Variants in GALNT10 observed in about 807,000 individuals in gnomAD.
GALNT10 encodes GalNAc transferase 10.
GALNT10 carries 41 observed loss-of-function variants against 75.0 expected under a neutral mutation model. The observed-to-expected ratio is 0.55, with a 90% CI of 0.43 to 0.71. GALNT10 has a LOEUF of 0.71. Among genes scored for constraint, GALNT10 ranks in the 30% least tolerant of loss-of-function variants. The pLI, the probability that GALNT10 is intolerant of heterozygous loss-of-function variation, is 0.00. For missense variants in GALNT10, 727 were observed against 818.5 expected (o/e 0.89, Z 1.36); for synonymous variants, 302 against 313.0 (o/e 0.96, Z 0.37).
At chr5:154,306,740 AAC>A (rs1754439839) in intron 3 of GALNT10, among the ~76,000 whole-genome samples, 3 of 150,710 alleles carry the variant, frequency 2.0e-5, no homozygotes, top group Admixed American at 6.6e-5. Context: ...CAACAACAAC[AAC>A]AAAAAAAACT....
At chr5:154,229,968 T>A (rs2113661825) in intron 1 of GALNT10, among the ~76,000 whole-genome samples, 1 of 152,366 alleles carries the variant, frequency 6.6e-6, no homozygotes, top group Admixed American at 6.5e-5. Flanking sequence ...TCAGTCTCCA[T>A]GCTGGGCACC....
intron 1 of GALNT10, among the ~76,000 whole-genome samples, chr5:154,200,529 C>A (rs1321548574): frequency 6.6e-6 from 1 of 152,118 alleles, no homozygotes; most frequent in Non-Finnish European, 1.5e-5. Context: ...CATGTTTCCT[C>A]CTGAGTATTG....
intron 3 of GALNT10, among the ~76,000 whole-genome samples, chr5:154,319,475 T>G (rs886985094): frequency 6.6e-6 from 1 of 152,208 alleles, no homozygotes; most frequent in Non-Finnish European, 1.5e-5. Context: ...GAGGCCTGAA[T>G]CCAACTCATT....
At chr5:154,348,156 A>C (rs895301826) in intron 4 of GALNT10, among the ~76,000 whole-genome samples, 1 of 152,248 alleles carries the variant, frequency 6.6e-6, no homozygotes, top group Non-Finnish European at 1.5e-5. Context: ...CTCAAGCCCC[A>C]AAATAAATGG....
intron 3 of GALNT10, among the ~76,000 whole-genome samples, chr5:154,328,590 A>G (rs999372239): frequency 6.6e-6 from 1 of 152,186 alleles, no homozygotes; most frequent in Non-Finnish European, 1.5e-5. Flanking sequence ...CTGTGATTCA[A>G]TTCAATTCTG....
intron 1 of GALNT10, among the ~76,000 whole-genome samples, chr5:154,209,475 G>A (rs1028872456): frequency 2.0e-5 from 3 of 152,208 alleles, no homozygotes; most frequent in Non-Finnish European, 2.9e-5. Flanking sequence ...ACTATGGACT[G>A]TGTGGCTTAA....
intron 1 of GALNT10, among the ~76,000 whole-genome samples, chr5:154,286,295 G>A (rs1004108545): frequency 2.6e-5 from 4 of 152,034 alleles, no homozygotes; most frequent in Admixed American, 2.0e-4. Flanking sequence ...TTAAGTTGAT[G>A]GACAGATGGA....
chr5:154,317,449 G>A (rs6580071), intron 3 of GALNT10, among the ~76,000 whole-genome samples: 109,313 of 152,036 alleles, frequency 0.72, 39,883 homozygotes, highest in Admixed American at 0.83. Flanking sequence ...CCTTTAGGGA[G>A]TGTTAAATTA....
chr5:154,331,150 A>G (rs1754857695), intron 4 of GALNT10, among the ~76,000 whole-genome samples: 1 of 152,126 alleles, frequency 6.6e-6, no homozygotes, highest in South Asian at 2.1e-4. Flanking sequence ...AGGGACTACC[A>G]CATTGGTCCT....
chr5:154,302,300 C>G (rs1022839580), intron 3 of GALNT10, among the ~76,000 whole-genome samples: 2 of 152,264 alleles, frequency 1.3e-5, no homozygotes, highest in African/African-American at 4.8e-5. Flanking sequence ...GCACTGGGGA[C>G]TGCGTAGCCA....
intron 4 of GALNT10, among the ~76,000 whole-genome samples, chr5:154,373,589 C>T (rs1350223997): frequency 6.6e-6 from 1 of 152,162 alleles, no homozygotes; most frequent in African/African-American, 2.4e-5. Flanking sequence ...GCTTCGCATG[C>T]AAGCAGGGGC....
At position 154,386,309 on chromosome 5, in the gene GALNT10, A is replaced by T. The variant is rs554176584; in HGVS notation, c.939-4A>T. 6.2e-7 allele frequency: 1 copy of T among 1,609,072 alleles called. No individual in the cohort carries two copies. Among genetic ancestry groups the T allele is most frequent in the East Asian group, 2.2e-5 (1 of 44,828 alleles). Reference sequence around the variant, plus strand: ...CTTCACACCATGTTCTTCTTCTCTGACAGGTCTCCCGTGATGGCCGGTGGA... The same window carrying T: ...CTTCACACCATGTTCTTCTTCTCTGTCAGGTCTCCCGTGATGGCCGGTGGA... On this transcript the variant is annotated splice_polypyrimidine_tract_variant and splice_region_variant and intron_variant, in intron 6 of 11. Coordinates refer to ENST00000297107, the MANE Select transcript of GALNT10 (RefSeq NM_198321.4).
intron 3 of GALNT10, among the ~76,000 whole-genome samples, chr5:154,316,600 G>T (rs33999232): frequency 0.13 from 19,657 of 152,196 alleles, 1,859 homozygotes; most frequent in African/African-American, 0.27. Context: ...TACTGTTTAT[G>T]TTATTTGCTT....
At chr5:154,411,377 C>A (rs1448461927) in intron 9 of GALNT10, among the ~76,000 whole-genome samples, 2 of 152,218 alleles carry the variant, frequency 1.3e-5, no homozygotes, top group African/African-American at 4.8e-5. Flanking sequence ...GTATATGCCT[C>A]TTTCCCAGTA....
chr5:154,191,431 T>TCCCCCCCC (rs1446489673), intron 1 of GALNT10, among the ~76,000 whole-genome samples: 7 of 55,180 alleles, frequency 1.3e-4, no homozygotes, highest in African/African-American at 4.4e-4. Flanking sequence ...GCTTCCCTCC[T>TCCCCCCCC]CCCACCCCCC....
At chr5:154,381,964 G>A (rs1489150010) in intron 6 of GALNT10, among the ~76,000 whole-genome samples, 7 of 152,192 alleles carry the variant, frequency 4.6e-5, no homozygotes, top group South Asian at 4.1e-4. Flanking sequence ...TCACATCTGC[G>A]AAGTCTCTTT....
intron 10 of GALNT10, among the ~76,000 whole-genome samples, chr5:154,414,348 A>G (rs1177814226): frequency 6.6e-6 from 1 of 152,198 alleles, no homozygotes; most frequent in African/African-American, 2.4e-5. Flanking sequence ...CAAAAACTGG[A>G]AACCACCAAG....
intron 1 of GALNT10, among the ~76,000 whole-genome samples, chr5:154,288,289 C>CT (rs1310322071): frequency 6.6e-6 from 1 of 152,172 alleles, no homozygotes; most frequent in Non-Finnish European, 1.5e-5. Flanking sequence ...AGAGTATGCA[C>CT]TTTAACAAAT....
intron 3 of GALNT10, among the ~76,000 whole-genome samples, chr5:154,325,438 T>G (rs1754742788): frequency 6.6e-6 from 1 of 152,138 alleles, no homozygotes; most frequent in South Asian, 2.1e-4. Flanking sequence ...CCAGCGTGCC[T>G]TATAAGTATT....
Sources: gnomAD v4.1 joint callset for allele counts (sites outside exome capture counted in the v4.1 genomes callset) on GRCh38, gnomAD v4.1.1 for gene constraint, MANE v1.5 for transcripts, NCBI Gene and HGNC (gene_info 2026-07-23, HGNC 2026-07-21) for gene names.